ZFHX4: variants seen among roughly 807,000 people sequenced by gnomAD.
ZFHX4 encodes the protein zinc finger homeobox 4.
A neutral mutation model predicts 267.6 loss-of-function variants in ZFHX4; 56 were observed. That is an observed-to-expected ratio of 0.21 (90% confidence interval 0.17 to 0.26). The LOEUF (loss-of-function observed/expected upper bound fraction) is 0.26, where lower values mean the gene tolerates loss of function less well. ZFHX4 is among the 10% of genes least tolerant of loss of function. The pLI is 1.00. For synonymous variants in ZFHX4, 1,778 were observed against 1,665.6 expected, an observed-to-expected ratio of 1.07 and a Z score of -1.64; for missense variants, 4,332 against 4,420.0, an observed-to-expected ratio of 0.98 and a Z score of 0.56.
Position 76,706,573 on chromosome 8 carries a change from A to T in ZFHX4, c.2485A>T (p.Ile829Leu). ...TTATCAGTACTACCTAGCCCAGAAC[A>T]TAGGCCTGACCGGAATGAAGCTGGA... ...ELYQYYLAQN[I>L]GLTGMKLENP... The change falls in exon 2 of 11, where the codon ATA (isoleucine) becomes TTA (leucine). Residue 829 changes from isoleucine to leucine, a missense_variant. Ile to Leu is a conservative substitution (Grantham distance 5, BLOSUM62 2). This residue lies in a region of ZFHX4 where 1,195 missense variants were observed against 1,173.6 expected (regional missense o/e 1.02). Transcript: ENST00000651372. 1 of 1,611,912 alleles carries T rather than the reference A, an allele frequency of 6.2e-7. No homozygotes were observed. Among genetic ancestry groups the T allele is most frequent in the Non-Finnish European group, 8.5e-7 (1 of 1,179,162 alleles).
At chr8:76,734,847 C>T (rs1809116151) in intron 3 of ZFHX4, among the ~76,000 whole-genome samples, 1 of 152,158 alleles carries the variant, frequency 6.6e-6, no homozygotes, top group Non-Finnish European at 1.5e-5. Flanking sequence ...CTTCAGTGCA[C>T]TGTAACATGT....
intron 4 of ZFHX4, among the ~76,000 whole-genome samples, chr8:76,818,660 C>T (rs2131859148): frequency 6.6e-6 from 1 of 152,120 alleles, no homozygotes; most frequent in Admixed American, 6.6e-5. Flanking sequence ...GCCTATAATG[C>T]CAGCACTTTG....
chr8:76,794,745 T>C (rs768937001), intron 4 of ZFHX4, among the ~76,000 whole-genome samples: 1 of 151,668 alleles, frequency 6.6e-6, no homozygotes, highest in Non-Finnish European at 1.5e-5. Context: ...TGTAGATTTG[T>C]AGTAGTTTTA....
intron 4 of ZFHX4, 82 bp from the exon 5 acceptor site, chr8:76,833,255 AT>A: frequency 8.5e-7 from 1 of 1,175,192 alleles, no homozygotes. Flanking sequence ...TGACTGCCAA[AT>A]TTTGGGTTCT....
At chr8:76,686,866 G>A (rs926882599) in intron 1 of ZFHX4, among the ~76,000 whole-genome samples, 3 of 152,158 alleles carry the variant, frequency 2.0e-5, no homozygotes, top group African/African-American at 7.2e-5. Context: ...TGAGAAGCCA[G>A]GTTAAGCTTT....
At chr8:76,697,007 T>G (rs867902557) in intron 1 of ZFHX4, among the ~76,000 whole-genome samples, 3 of 152,022 alleles carry the variant, frequency 2.0e-5, no homozygotes, top group Non-Finnish European at 4.4e-5. Flanking sequence ...GCTGGTGTAC[T>G]TGACTTGTGA....
Position 76,835,219 on chromosome 8 carries a change from GTA to G in ZFHX4, c.3394+1833_3394+1834del, listed in dbSNP as rs773901442. On this transcript the variant is annotated intron_variant, in intron 5 of 10. Transcript: ENST00000651372. ...TCCTTTTGCTTTGGTGTATATATAT[GTA>G]TATATATATATATATATATGTATAT... Among the ~76,000 whole-genome samples, 516 of 75,912 alleles carry G rather than the reference GTA, an allele frequency of 6.8e-3. 13 individuals carry two copies. Among genetic ancestry groups the G allele is most frequent in the South Asian group, 0.042 (96 of 2,278 alleles). 49.8% of individuals were successfully genotyped at this position (75,912 alleles called of 152,430 possible).
chr8:76,729,354 T>A (rs373646307), intron 3 of ZFHX4, among the ~76,000 whole-genome samples: 5 of 152,314 alleles, frequency 3.3e-5, no homozygotes, highest in African/African-American at 1.2e-4. Flanking sequence ...ATGGTCCTGC[T>A]CGAATAATAT....
intron 3 of ZFHX4, among the ~76,000 whole-genome samples, chr8:76,762,859 C>T (rs1776357630): frequency 6.6e-6 from 1 of 152,128 alleles, no homozygotes; most frequent in African/African-American, 2.4e-5. Flanking sequence ...AAGCAATTGC[C>T]ACTTGCCAAA....
intron 3 of ZFHX4, among the ~76,000 whole-genome samples, chr8:76,764,985 G>A (rs998778157): frequency 6.6e-6 from 1 of 152,086 alleles, no homozygotes; most frequent in Non-Finnish European, 1.5e-5. Flanking sequence ...CTTAAAAGGT[G>A]AGGACTAATG....
chr8:76,848,784 G>C (rs1226151953), intron 6 of ZFHX4, among the ~76,000 whole-genome samples: 2 of 152,110 alleles, frequency 1.3e-5, no homozygotes, highest in Non-Finnish European at 2.9e-5. Flanking sequence ...TGAAACAGGA[G>C]TACATTTTAA....
intron 3 of ZFHX4, among the ~76,000 whole-genome samples, chr8:76,750,012 A>C (rs1809572294): frequency 6.6e-6 from 1 of 152,166 alleles, no homozygotes; most frequent in Non-Finnish European, 1.5e-5. Context: ...CAAACTGATA[A>C]TGTGAGATTT....
Position 76,704,968 on chromosome 8 carries a change from G to A in ZFHX4, c.880G>A (p.Val294Ile). The A allele has an allele frequency of 1.2e-6, 2 of 1,614,000 alleles. No individual in the cohort carries two copies. Among genetic ancestry groups the A allele is most frequent in the Non-Finnish European group, 8.5e-7 (1 of 1,179,892 alleles). Residue 294 changes from valine (V) to isoleucine (I), a missense_variant, in exon 2 of 11, where the codon GTA becomes ATA. Physicochemically the swap from Val to Ile is conservative, Grantham distance 29 (BLOSUM62 3). Transcript: ENST00000651372. The part of the protein sequence containing the change: ...KLSFGYIRSF[V>I]THAVHDHRMT... The stretch of plus-strand genomic sequence containing the variant: ...GTCTTTTGGTTATATCAGGTCATTT[G>A]TAACCCATGCTGTGCATGATCATCG...
chr8:76,712,843 G>A (rs910680522), intron 3 of ZFHX4, among the ~76,000 whole-genome samples: 1 of 151,564 alleles, frequency 6.6e-6, no homozygotes, highest in Admixed American at 6.6e-5. Context: ...CCAGTTGCAG[G>A]ATTTGTTTTA....
chr8:76,702,268 T>C (rs1808124750), intron 1 of ZFHX4, among the ~76,000 whole-genome samples: 1 of 152,154 alleles, frequency 6.6e-6, no homozygotes, highest in African/African-American at 2.4e-5. Flanking sequence ...AAAACGAATT[T>C]TGAATTCATT....
rs1809503757 is a variant in ZFHX4, at chr8:76,747,884, A to G, written c.3094-30324A>G. On this transcript the variant is annotated intron_variant, in intron 3 of 10. Transcript: ENST00000651372. Reference sequence around the variant, plus strand: ...GAGGCGGAGGTTGCAGTGAGCCGAGATTGCGTCACTGCACTTCCAGCCTGG... The same window carrying G: ...GAGGCGGAGGTTGCAGTGAGCCGAGGTTGCGTCACTGCACTTCCAGCCTGG... Among the ~76,000 whole-genome samples the G allele has an allele frequency of 1.3e-5, 2 of 152,102 alleles. 1 individual carries two copies.
chr8:76,691,975 G>T (rs915463135), intron 1 of ZFHX4, among the ~76,000 whole-genome samples: 4 of 152,056 alleles, frequency 2.6e-5, no homozygotes, highest in Non-Finnish European at 1.5e-5. Context: ...TCTAAGAGGT[G>T]GGGGAAAGGA....
At chr8:76,754,810 T>C (rs1448410003) in intron 3 of ZFHX4, among the ~76,000 whole-genome samples, 2 of 152,188 alleles carry the variant, frequency 1.3e-5, no homozygotes, top group Non-Finnish European at 2.9e-5. Context: ...CCATCTACTG[T>C]AATTTTATAT....
At chr8:76,830,974 G>C (rs2131886536) in intron 4 of ZFHX4, among the ~76,000 whole-genome samples, 1 of 152,200 alleles carries the variant, frequency 6.6e-6, no homozygotes, top group African/African-American at 2.4e-5. Context: ...TTGAAAATTT[G>C]ACAGACTTTT....
Sources: allele counts gnomAD v4.1 joint callset (sites outside exome capture counted in the v4.1 genomes callset), GRCh38; gene constraint gnomAD v4.1.1; regional missense constraint gnomAD v4.1.1; transcripts MANE v1.5; gene names NCBI Gene and HGNC (gene_info 2026-07-23, HGNC 2026-07-21).